Variants in CHN2 observed in about 807,000 individuals in gnomAD.
The protein encoded by CHN2 is beta-chimaerin.
In CHN2, 35 loss-of-function variants were observed where a neutral mutation model predicts 56.3. The observed-to-expected ratio is 0.62, with a 90% CI of 0.47 to 0.82. CHN2 has a LOEUF of 0.82. Ranked by LOEUF, CHN2 falls within the 40% of genes least tolerant of loss-of-function variation. CHN2 has a pLI of 0.00. For synonymous variants in CHN2, 210 were observed against 212.8 expected (o/e 0.99, Z 0.12); for missense variants, 491 against 580.5 (o/e 0.85, Z 1.58).
intron 4 of CHN2, 100 bp downstream of exon 4, chr7:29,393,810 T>C (rs760396626): frequency 5.2e-5 from 21 of 405,726 alleles, no homozygotes; most frequent in Non-Finnish European, 8.2e-5. Flanking sequence ...CATCATCATA[T>C]GTCTATTGTG....
chr7:29,482,296 G>C (rs573503371), intron 7 of CHN2, among the ~76,000 whole-genome samples: 46 of 152,324 alleles, frequency 3.0e-4, no homozygotes, highest in Non-Finnish European at 5.0e-4. Flanking sequence ...TCAAGTAGCT[G>C]TGACAGTTGA....
intron 7 of CHN2, among the ~76,000 whole-genome samples, chr7:29,487,798 G>C (rs1345304): frequency 1.1e-4 from 17 of 152,068 alleles, no homozygotes; most frequent in Admixed American, 1.1e-3. Context: ...GTAGAGGCCA[G>C]GTGTGCTACT....
At chr7:29,208,177 T>A (rs541931498) in intron 1 of CHN2, among the ~76,000 whole-genome samples, 1 of 152,298 alleles carries the variant, frequency 6.6e-6, no homozygotes, top group East Asian at 1.9e-4. Flanking sequence ...GACAGACGTC[T>A]TTGGGGAACT....
chr7:29,264,137 C>T (rs879717448), intron 1 of CHN2, among the ~76,000 whole-genome samples: 26 of 145,860 alleles, frequency 1.8e-4, no homozygotes, highest in Admixed American at 3.1e-4. Flanking sequence ...TCTGCCCGGC[C>T]GCCACCCCGT....
At chr7:29,496,214 A>G (rs1789263291) in intron 8 of CHN2, among the ~76,000 whole-genome samples, 178 bp downstream of exon 8, 1 of 152,008 alleles carries the variant, frequency 6.6e-6, no homozygotes, top group African/African-American at 2.4e-5. Context: ...CAGGAATGAA[A>G]AAGAATATAT....
intron 7 of CHN2, among the ~76,000 whole-genome samples, chr7:29,493,558 G>A (rs1265394693): frequency 6.6e-6 from 1 of 151,912 alleles, no homozygotes; most frequent in Admixed American, 6.6e-5. Context: ...ATCTAAAATG[G>A]AATTCTTCAC....
At chr7:29,162,632 G>A (rs1171716631) in intron 2 of CHN2, among the ~76,000 whole-genome samples, 1 of 144,306 alleles carries the variant, frequency 6.9e-6, no homozygotes, top group Non-Finnish European at 1.5e-5. Context: ...TTGCACTCCA[G>A]CCTGGGCAAC....
chr7:29,507,441 C>T (rs1268310215), intron 11 of CHN2, 76 bp downstream of exon 11: 1 of 1,105,556 alleles, frequency 9.0e-7, no homozygotes, highest in Non-Finnish European at 1.3e-6. Flanking sequence ...ATAATTAAAA[C>T]TCAGAACTGT....
intron 1 of CHN2, among the ~76,000 whole-genome samples, chr7:29,198,745 A>G (rs1027069297): frequency 6.6e-6 from 1 of 152,240 alleles, no homozygotes; most frequent in African/African-American, 2.4e-5. Flanking sequence ...ATTTGCTTGT[A>G]TAATTAAAAT....
chr7:29,363,572 C>T (rs2391754), intron 2 of CHN2, among the ~76,000 whole-genome samples: 32,717 of 152,132 alleles, frequency 0.22, 4,372 homozygotes, highest in Non-Finnish European at 0.3. Flanking sequence ...GAACAACATC[C>T]CTGCCCTCAA....
intron 1 of CHN2, among the ~76,000 whole-genome samples, chr7:29,304,759 T>C (rs868790384): frequency 6.6e-6 from 1 of 152,110 alleles, no homozygotes; most frequent in Non-Finnish European, 1.5e-5. Context: ...GAAAGGAAGA[T>C]ATAGGGGGAG....
intron 1 of CHN2, among the ~76,000 whole-genome samples, chr7:29,226,297 A>G (rs762989485): frequency 6.6e-6 from 1 of 152,230 alleles, no homozygotes; most frequent in Non-Finnish European, 1.5e-5. Context: ...GAAAACTTCC[A>G]TTATGTAAAC....
intron 1 of CHN2, among the ~76,000 whole-genome samples, chr7:29,271,861 A>G (rs920127099): frequency 2.0e-5 from 3 of 151,944 alleles, no homozygotes; most frequent in Admixed American, 6.6e-5. Flanking sequence ...GCGGGGGAGC[A>G]TTTTTTATTC....
At chr7:29,165,623 C>T (rs910517058) in intron 2 of CHN2, among the ~76,000 whole-genome samples, 1 of 152,176 alleles carries the variant, frequency 6.6e-6, no homozygotes, top group Non-Finnish European at 1.5e-5. Context: ...GATATACTTG[C>T]ACTGTTCTTA....
At chr7:29,405,034 C>A (rs58194058) in intron 6 of CHN2, among the ~76,000 whole-genome samples, 3 of 152,120 alleles carry the variant, frequency 2.0e-5, no homozygotes, top group African/African-American at 7.2e-5. Context: ...GAATTTTAAA[C>A]CGTGATCGAT....
chr7:29,398,295 A>G, intron 4 of CHN2, 78 bp from the exon 5 acceptor site: 2 of 1,120,692 alleles, frequency 1.8e-6, no homozygotes, highest in Non-Finnish European at 2.7e-6. Flanking sequence ...TGCCCCCACC[A>G]TCCTTTTAAG....
chr7:29,294,914 G>A (rs73076425), intron 1 of CHN2, among the ~76,000 whole-genome samples: 7 of 152,166 alleles, frequency 4.6e-5, no homozygotes, highest in Admixed American at 3.9e-4. Flanking sequence ...CATGGATCCC[G>A]CTGTGTGCTA....
intron 1 of CHN2, among the ~76,000 whole-genome samples, chr7:29,313,461 G>A (rs528230169): frequency 1.6e-4 from 24 of 152,256 alleles, no homozygotes; most frequent in African/African-American, 5.3e-4. Flanking sequence ...AGAGGTGTCA[G>A]CTCACTCTCA....
intron 8 of CHN2, among the ~76,000 whole-genome samples, chr7:29,496,713 C>T (rs1165096848): frequency 6.6e-6 from 1 of 152,210 alleles, no homozygotes; most frequent in Non-Finnish European, 1.5e-5. Context: ...GATTTTCCAT[C>T]TGGAATTGGA....
Sources: gnomAD v4.1 joint callset for allele counts (sites outside exome capture counted in the v4.1 genomes callset) on GRCh38, gnomAD v4.1.1 for gene constraint, MANE v1.5 for transcripts, NCBI Gene and HGNC (gene_info 2026-07-23, HGNC 2026-07-21) for gene names.